Variants in BSN observed in about 807,000 individuals in gnomAD.
BSN encodes protein bassoon.
BSN carries 57 observed loss-of-function variants against 264.8 expected under a neutral mutation model. That is an observed-to-expected ratio of 0.22 (90% confidence interval 0.17 to 0.27). The LOEUF (loss-of-function observed/expected upper bound fraction) is 0.27. Ranked by LOEUF, BSN falls within the 10% of genes least tolerant of loss-of-function variation. The probability of loss-of-function intolerance (pLI) is 1.00; values close to 1 mark genes in which losing one functional copy is unlikely to be tolerated. For synonymous variants in BSN, 2,059 were observed against 2,137.3 expected (o/e 0.96, Z 1.01); for missense variants, 4,615 against 5,232.5 (o/e 0.88, Z 3.64).
intron 1 of BSN, among the ~76,000 whole-genome samples, chr3:49,624,124 C>A (rs989096067): frequency 6.6e-6 from 1 of 151,936 alleles, no homozygotes; most frequent in African/African-American, 2.4e-5. Flanking sequence ...CCTCAGCCTC[C>A]CAAGTAGCTG....
In BSN at chr3:49,656,246, T is replaced by C. The variant is rs904381219; in HGVS notation, c.6690T>C (p.Ser2230=). 17 of 1,611,918 alleles carry C rather than the reference T, an allele frequency of 1.1e-5. No individual in the cohort carries two copies. The African/African-American group carries it at 2.1e-4, about 20-fold the overall frequency. Residue 2230 remains serine (S), a synonymous_variant, in exon 5 of 12, where the codon TCT becomes TCC. Coordinates refer to ENST00000296452, the MANE Select transcript of BSN (RefSeq NM_003458.4). The part of the protein sequence containing the change: ...VRGGMYRPYA[S]GGITAVPLTS... ...GTGGCATGTACAGGCCTTACGCATC[T>C]GGTGGAATCACAGCCGTGCCACTCA...
intron 1 of BSN, among the ~76,000 whole-genome samples, chr3:49,600,694 C>T (rs944170140): frequency 1.3e-5 from 2 of 152,124 alleles, no homozygotes; most frequent in African/African-American, 4.8e-5. Flanking sequence ...ATCTCAGCTG[C>T]TCTGTAGGCT....
chr3:49,634,069 G>T (rs962734150), intron 2 of BSN, among the ~76,000 whole-genome samples: 3 of 152,172 alleles, frequency 2.0e-5, no homozygotes, highest in African/African-American at 7.2e-5. Context: ...TTAGCGGGGT[G>T]TGTTGGCCCA....
At position 49,663,874 on chromosome 3, in the gene BSN, C is replaced by T. The variant is rs777443490; in HGVS notation, c.11596C>T (p.Pro3866Ser). Residue 3866 changes from proline (P) to serine (S), a missense_variant, in exon 8 of 12, where the codon CCT (proline) becomes TCT (serine). By Grantham distance (74) the Pro-to-Ser change is moderately conservative. Transcript: ENST00000296452. ...RAPQAQPAPG[P>S]GPAGVKAGAR... is the part of the protein sequence containing the mutation. ...TCCTCAGGCCCAGCCAGCACCAGGA[C>T]CTGGACCTGCAGGTGAGCCTATCCT... 3.1e-6 allele frequency: 5 copies of T among 1,613,728 alleles called. No individual in the cohort carries two copies. The highest frequency in any genetic ancestry group is 4.2e-6 in the Non-Finnish European group (5 of 1,179,804).
In BSN at chr3:49,656,439, G is replaced by A. The variant is rs1230104515; in HGVS notation, c.6883G>A (p.Gly2295Ser). The change falls in exon 5 of 12, where the codon GGC becomes AGC. Residue 2295 changes from glycine to serine, a missense_variant. Physicochemically the swap from Gly to Ser is moderately conservative, Grantham distance 56 (BLOSUM62 0). Coordinates refer to ENST00000296452, the MANE Select transcript of BSN (RefSeq NM_003458.4). Reference protein sequence around the residue: ...PAAAKAPGAGGPSRPEMPVGA... With the variant: ...PAAAKAPGAGSPSRPEMPVGA... Reference sequence around the variant, plus strand: ...TGCTGCCAAGGCCCCTGGGGCTGGGGGCCCTTCAAGGCCAGAGATGCCAGT... The same window carrying A: ...TGCTGCCAAGGCCCCTGGGGCTGGGAGCCCTTCAAGGCCAGAGATGCCAGT... 3.8e-6 allele frequency: 6 copies of A among 1,592,250 alleles called. No homozygotes were observed. The African/African-American group carries it at 4.0e-5, about 11-fold the overall frequency.
intron 1 of BSN, among the ~76,000 whole-genome samples, chr3:49,582,258 G>C (rs998206136): frequency 6.6e-6 from 1 of 152,046 alleles, no homozygotes; most frequent in Admixed American, 6.6e-5. Flanking sequence ...ATGGCTTATT[G>C]GCCATTTGTA....
In BSN at chr3:49,662,193, A is replaced by G; in HGVS notation, c.10348A>G (p.Ser3450Gly). Reference protein sequence around the residue: ...SSRSRAPSAYSGEKLSSHDFS... With the variant: ...SSRSRAPSAYGGEKLSSHDFS... Reference sequence around the variant, plus strand: ...CCGGTCCCGGGCACCTTCTGCATACAGTGGGGAGAAGCTGTCCAGCCACGA... The same window carrying G: ...CCGGTCCCGGGCACCTTCTGCATACGGTGGGGAGAAGCTGTCCAGCCACGA... Residue 3450 changes from serine to glycine, a missense_variant, in exon 6 of 12, where the codon AGT becomes GGT. Physicochemically the swap from Ser to Gly is moderately conservative, Grantham distance 56 (BLOSUM62 0). This residue lies in a region of BSN where 3,415 missense variants were observed against 3,866.4 expected (regional missense o/e 0.88). Transcript: ENST00000296452. 1 of 1,612,934 alleles carries G rather than the reference A, an allele frequency of 6.2e-7. No individual in the cohort carries two copies. The highest frequency in any genetic ancestry group is 8.5e-7 in the Non-Finnish European group (1 of 1,179,864).
chr3:49,625,163 C>T lies in BSN; in HGVS notation c.413C>T (p.Ser138Leu). Residue 138 changes from serine to leucine, a missense_variant, in exon 2 of 12, where the codon TCA becomes TTA. Transcript: ENST00000296452. This position sits in a 1 kb window ranked among gnomAD's most constrained non-coding sequence, Gnocchi z 4.4. ...TLQVDSRTQRSGRSPSVSPDR... is the reference protein window; with the variant it reads ...TLQVDSRTQRLGRSPSVSPDR... Reference sequence around the variant, plus strand: ...CAGGTAGACAGCAGGACACAGAGATCAGGGCGGTCCCCCTCAGTGTCACCG... The same window carrying T: ...CAGGTAGACAGCAGGACACAGAGATTAGGGCGGTCCCCCTCAGTGTCACCG... The T allele has an allele frequency of 6.4e-7, 1 of 1,572,156 alleles. No homozygotes were observed.
At chr3:49,578,768 A>G (rs1165093851) in intron 1 of BSN, among the ~76,000 whole-genome samples, 1 of 152,062 alleles carries the variant, frequency 6.6e-6, no homozygotes, top group Non-Finnish European at 1.5e-5. Flanking sequence ...CCAAAATGTC[A>G]CTTTCCATTC....
At chr3:49,641,525 C>T (rs2052464237) in intron 2 of BSN, 2 of 152,146 alleles carry the variant, frequency 1.3e-5, no homozygotes, top group African/African-American at 4.8e-5. Context: ...CTCGTTTGCT[C>T]TGGAGGCATG....
chr3:49,555,915 C>G (rs1399877389), intron 1 of BSN, among the ~76,000 whole-genome samples: 1 of 152,214 alleles, frequency 6.6e-6, no homozygotes, highest in Non-Finnish European at 1.5e-5. Flanking sequence ...GACTGTGCCT[C>G]TTGTGTGTTT....
At chr3:49,567,094 T>C (rs2051757692) in intron 1 of BSN, among the ~76,000 whole-genome samples, 1 of 152,170 alleles carries the variant, frequency 6.6e-6, no homozygotes, top group Non-Finnish European at 1.5e-5. Context: ...TGAATCTCCA[T>C]GCTTGATGCT....
chr3:49,603,207 G>A (rs1440219607), intron 1 of BSN, among the ~76,000 whole-genome samples: 1 of 152,214 alleles, frequency 6.6e-6, no homozygotes, highest in Non-Finnish European at 1.5e-5. Context: ...ATGCCTTCCT[G>A]CTTTGCGCTA....
In BSN at chr3:49,623,927, T is replaced by C. The variant is rs527469809; in HGVS notation, c.225-1048T>C. ...AAAATACTAATGCCAGGGTCCTGCC[T>C]CCATAGATTTTTATGTAATTCGACT... is the stretch of plus-strand genomic sequence containing the variant. On this transcript the variant is annotated intron_variant, in intron 1 of 11. Coordinates refer to ENST00000296452, the MANE Select transcript of BSN (RefSeq NM_003458.4). 5.9e-5 allele frequency among the ~76,000 whole-genome samples: 9 copies of C among 152,350 alleles called. No individual in the cohort carries two copies. The East Asian group carries it at 1.7e-3, about 29-fold the overall frequency.
rs973371033 is a variant in BSN, at chr3:49,662,338, G to A, written c.10493G>A (p.Arg3498Gln). The A allele has an allele frequency of 3.2e-5, 52 of 1,613,438 alleles. No homozygotes were observed. The highest frequency in any genetic ancestry group is 4.0e-5 in the Non-Finnish European group (47 of 1,179,786). Reference sequence around the variant, plus strand: ...CACAGCCGGGTACGACCCCCCATGCGGAGCCAGGCCTCTGAAGAGGAGAGC... The same window carrying A: ...CACAGCCGGGTACGACCCCCCATGCAGAGCCAGGCCTCTGAAGAGGAGAGC... The part of the protein sequence containing the change: ...MAHSRVRPPM[R>Q]SQASEEESPV... The change falls in exon 6 of 12, where the codon CGG becomes CAG. Residue 3498 changes from arginine (R) to glutamine (Q), a missense_variant. By Grantham distance (43) the Arg-to-Gln change is conservative. Transcript: ENST00000296452.
In BSN at chr3:49,650,750, C is replaced by T. The variant is rs1371236744; in HGVS notation, c.1657C>T (p.Leu553=). The change falls in exon 4 of 12, where the codon CTG becomes TTG. Residue 553 remains leucine (L), a synonymous_variant. Transcript: ENST00000296452. ...TCACCGTGCATCTGGAACATCCCCT[C>T]TGAAGCAGAAAGGGCCACAGGGGCT... ...APHRASGTSP[L]KQKGPQGLGQ... 1 of 1,613,748 alleles carries T rather than the reference C, an allele frequency of 6.2e-7. No individual in the cohort carries two copies. The highest frequency in any genetic ancestry group is 2.2e-5 in the East Asian group (1 of 44,888).
In BSN at chr3:49,653,105, C is replaced by T. The variant is rs77090778; in HGVS notation, c.3549C>T (p.Ser1183=). The change falls in exon 5 of 12, where the codon AGC becomes AGT. Residue 1183 remains serine (S), a synonymous_variant. Coordinates refer to ENST00000296452, the MANE Select transcript of BSN (RefSeq NM_003458.4). This position sits in a 1 kb window ranked among gnomAD's most constrained non-coding sequence, Gnocchi z 6.3. ...CCAGTTCCGGACGGCCGCTCAAGAGCGCTGAGGAGGCTTATGAGGAGATGA... is the reference window on the plus strand; with the variant it reads ...CCAGTTCCGGACGGCCGCTCAAGAGTGCTGAGGAGGCTTATGAGGAGATGA... ...TTPSSGRPLK[S]AEEAYEEMMR... 17 of 1,613,376 alleles carry T rather than the reference C, an allele frequency of 1.1e-5. No homozygotes were observed. The highest frequency in any genetic ancestry group is 1.3e-5 in the African/African-American group (1 of 74,924).
chr3:49,668,105 G>C lies in BSN; in HGVS notation c.*620G>C, dbSNP rs577805438. The C allele has an allele frequency of 6.5e-6, 1 of 152,776 alleles. No homozygotes were observed. Among genetic ancestry groups the C allele is most frequent in the Admixed American group, 6.5e-5 (1 of 15,304 alleles). 9.5% of individuals were successfully genotyped at this position (152,776 alleles called of 1,614,324 possible). ...CGGAGCAGACCTCCATGTGGCCAGG[G>C]GTTGGGAGAACTTTACAAACATTAG... On this transcript the variant is annotated 3_prime_UTR_variant, in exon 12 of 12. Transcript: ENST00000296452.
In BSN at chr3:49,660,853, G is replaced by A. The variant is rs370847792; in HGVS notation, c.9008G>A (p.Arg3003His). ...GGTGGCCGTGACTACCCACCCTTGC[G>A]TGGTCTTGGCGAGCATCGTGACTAC... ...DRGGRDYPPLRGLGEHRDYLS... is the reference protein window; with the variant it reads ...DRGGRDYPPLHGLGEHRDYLS... Residue 3003 changes from arginine (R) to histidine (H), a missense_variant, in exon 6 of 12, where the codon CGT becomes CAT. Transcript: ENST00000296452. The surrounding 1 kb of genome is among the most constrained non-coding windows in gnomAD (Gnocchi z 7.1). 23 of 1,613,264 alleles carry A rather than the reference G, an allele frequency of 1.4e-5. No individual in the cohort carries two copies. In the African/African-American group the frequency reaches 1.7e-4, roughly 12 times the overall value.
Sources: allele counts gnomAD v4.1 joint callset (sites outside exome capture counted in the v4.1 genomes callset), GRCh38; gene constraint gnomAD v4.1.1; regional missense constraint gnomAD v4.1.1; non-coding constraint Gnocchi (gnomAD v3.1); transcripts MANE v1.5; gene names NCBI Gene and HGNC (gene_info 2026-07-23, HGNC 2026-07-21).